The following RBMS1 variants were observed in gnomAD, a reference collection of about 807,000 sequenced individuals.
The protein encoded by RBMS1 is RNA binding motif single stranded interacting protein 1, also known as RNA-binding motif, single-stranded-interacting protein 1.
A neutral mutation model predicts 62.3 loss-of-function variants in RBMS1; 17 were observed. The observed-to-expected ratio is 0.27, with a 90% CI of 0.19 to 0.41. The LOEUF (loss-of-function observed/expected upper bound fraction) is 0.41, where lower values mean the gene tolerates loss of function less well. Among genes scored for constraint, RBMS1 ranks in the 10% least tolerant of loss-of-function variants. RBMS1 has a pLI of 1.00. For synonymous variants in RBMS1, 172 were observed against 170.0 expected (o/e 1.01, Z -0.09); for missense variants, 334 against 504.5 (o/e 0.66, Z 3.24).
chr2:160,476,200 C>T (rs1362261503), intron 1 of RBMS1, among the ~76,000 whole-genome samples: 1 of 152,092 alleles, frequency 6.6e-6, no homozygotes, highest in Non-Finnish European at 1.5e-5. Context: ...TGATATTTAA[C>T]TTAAGATAGT....
chr2:160,350,862 T>TA (rs1290340349), intron 2 of RBMS1, among the ~76,000 whole-genome samples: 4 of 152,202 alleles, frequency 2.6e-5, no homozygotes, highest in Admixed American at 6.5e-5. Flanking sequence ...CCTTTGGGTA[T>TA]ATACCCAGTA....
intron 1 of RBMS1, among the ~76,000 whole-genome samples, chr2:160,456,647 T>C (rs1242615873): frequency 6.6e-6 from 1 of 152,212 alleles, no homozygotes; most frequent in Non-Finnish European, 1.5e-5. Context: ...TGCTAAGATA[T>C]GTAAGGATGA....
chr2:160,431,793 T>C (rs559534979), intron 1 of RBMS1, among the ~76,000 whole-genome samples: 3 of 152,304 alleles, frequency 2.0e-5, no homozygotes, highest in Admixed American at 1.3e-4. Context: ...CTCCAACTTA[T>C]TCTTCAAGGC....
At chr2:160,378,058 T>C (rs930686954) in intron 1 of RBMS1, among the ~76,000 whole-genome samples, 4 of 152,148 alleles carry the variant, frequency 2.6e-5, no homozygotes, top group Non-Finnish European at 5.9e-5. Flanking sequence ...GCCTCTTTTA[T>C]ACCTCAGATT....
intron 2 of RBMS1, among the ~76,000 whole-genome samples, chr2:160,335,698 G>A (rs1691529914): frequency 6.6e-6 from 1 of 152,138 alleles, no homozygotes. Flanking sequence ...TCCCAGTCGA[G>A]AAGGACTCTT....
At chr2:160,410,845 G>C (rs1224287040) in intron 1 of RBMS1, among the ~76,000 whole-genome samples, 1 of 152,208 alleles carries the variant, frequency 6.6e-6, no homozygotes, top group Non-Finnish European at 1.5e-5. Context: ...TCGGGTTCCA[G>C]CGATTCTTCT....
chr2:160,493,161 A>C, intron 1 of RBMS1, 128 bp downstream of exon 1: 1 of 915,034 alleles, frequency 1.1e-6, no homozygotes, highest in Non-Finnish European at 1.7e-6. Context: ...CGCTATAGTT[A>C]GCAACCTTCC....
Position 160,275,889 on chromosome 2 carries a change from A to C in RBMS1, c.1144-175T>G, listed in dbSNP as rs552423951. 2.6e-5 allele frequency among the ~76,000 whole-genome samples: 4 copies of C among 152,342 alleles called. No individual in the cohort carries two copies. The South Asian group carries it at 8.3e-4, about 32-fold the overall frequency. ...ATTTCCCTAAGCAGCTGGCATGTCT[A>C]ACAGACCCAAAGCACCTCCCATCCA... On this transcript the variant is annotated intron_variant, in intron 12 of 13. Transcript: ENST00000348849.
intron 6 of RBMS1, among the ~76,000 whole-genome samples, chr2:160,294,575 T>C (rs549761534): frequency 7.2e-5 from 11 of 152,190 alleles, no homozygotes; most frequent in Non-Finnish European, 1.0e-4. Flanking sequence ...GATGAGTTCA[T>C]TGTTCAGTTT....
At chr2:160,361,804 G>T (rs1693144997) in intron 2 of RBMS1, among the ~76,000 whole-genome samples, 1 of 152,150 alleles carries the variant, frequency 6.6e-6, no homozygotes, top group South Asian at 2.1e-4. Context: ...ACGCCAGCCT[G>T]GGCAACACAG....
At chr2:160,309,542 T>G (rs1473301134) in intron 4 of RBMS1, among the ~76,000 whole-genome samples, 1 of 152,136 alleles carries the variant, frequency 6.6e-6, no homozygotes, top group Non-Finnish European at 1.5e-5. Flanking sequence ...AGAAAGGGGC[T>G]GAAGATAGAC....
intron 1 of RBMS1, among the ~76,000 whole-genome samples, chr2:160,418,785 T>C (rs1345520316): frequency 1.3e-5 from 2 of 152,184 alleles, no homozygotes; most frequent in African/African-American, 4.8e-5. Flanking sequence ...ATGTTCCCCT[T>C]GTTATAAAAG....
chr2:160,359,782 A>G (rs1048455613), intron 2 of RBMS1, among the ~76,000 whole-genome samples: 1 of 152,194 alleles, frequency 6.6e-6, no homozygotes, highest in African/African-American at 2.4e-5. Flanking sequence ...AATAAAAGCG[A>G]TGATTATTTA....
At chr2:160,370,496 T>C (rs1052873915) in intron 1 of RBMS1, among the ~76,000 whole-genome samples, 1 of 152,120 alleles carries the variant, frequency 6.6e-6, no homozygotes, top group African/African-American at 2.4e-5. Context: ...GCTGAGTACT[T>C]TACATACATT....
intron 1 of RBMS1, among the ~76,000 whole-genome samples, chr2:160,456,997 C>T (rs1684264010): frequency 6.6e-6 from 1 of 152,068 alleles, no homozygotes; most frequent in Non-Finnish European, 1.5e-5. Context: ...TTCAGCTAGC[C>T]AGATATGAGG....
intron 1 of RBMS1, among the ~76,000 whole-genome samples, chr2:160,460,484 C>T (rs1052799763): frequency 1.3e-5 from 2 of 152,230 alleles, no homozygotes; most frequent in Non-Finnish European, 2.9e-5. Context: ...CGTAAGGTCA[C>T]GCAGGACAAC....
intron 2 of RBMS1, among the ~76,000 whole-genome samples, chr2:160,342,611 T>G (rs767269608): frequency 6.6e-6 from 1 of 151,886 alleles, no homozygotes; most frequent in Non-Finnish European, 1.5e-5. Context: ...GATGTCCAAA[T>G]GATATGTGAA....
Position 160,324,899 on chromosome 2 carries a change from TATATATATACACACAC to T in RBMS1, c.252-6688_252-6673del, listed in dbSNP as rs1559383524. Among the ~76,000 whole-genome samples, 433 of 120,762 alleles carry T rather than the reference TATATATATACACACAC, an allele frequency of 3.6e-3. 6 individuals carry two copies. Among genetic ancestry groups the T allele is most frequent in the African/African-American group, 0.014 (408 of 29,716 alleles). 79.2% of individuals were successfully genotyped at this position (120,762 alleles called of 152,430 possible). ...GTGTGTGTGTATATATATATATATA[TATATATATACACACAC>T]ACACACACACACACACACACACATA... On this transcript the variant is annotated intron_variant, in intron 2 of 13. Transcript: ENST00000348849.
At chr2:160,283,022 T>C (rs1339464528) in intron 9 of RBMS1, 1 of 152,234 alleles carries the variant, frequency 6.6e-6, no homozygotes, top group Non-Finnish European at 1.5e-5. Context: ...TTATTTCTAG[T>C]TAGCTATATC....
Sources: allele counts gnomAD v4.1 joint callset (sites outside exome capture counted in the v4.1 genomes callset), GRCh38; gene constraint gnomAD v4.1.1; transcripts MANE v1.5; gene names NCBI Gene and HGNC (gene_info 2026-07-23, HGNC 2026-07-21).